The following FSD1L variants were observed in gnomAD, a reference collection of about 807,000 sequenced individuals.
The protein encoded by FSD1L is FSD1-like protein.
Under a neutral mutation model 71.6 loss-of-function variants are expected in FSD1L, and 45 were observed. The observed-to-expected ratio is 0.63, with a 90% CI of 0.49 to 0.81. The LOEUF (loss-of-function observed/expected upper bound fraction) is 0.81, where lower values mean the gene tolerates loss of function less well. Ranked by LOEUF, FSD1L falls within the 30% of genes least tolerant of loss-of-function variation. FSD1L has a pLI of 0.00. For synonymous variants in FSD1L, 197 were observed against 207.2 expected (o/e 0.95, Z 0.42); for missense variants, 561 against 618.1 (o/e 0.91, Z 0.98).
intron 10 of FSD1L, chr9:105,520,809 A>G: frequency 6.2e-7 from 1 of 1,612,356 alleles, no homozygotes; most frequent in Non-Finnish European, 8.5e-7. Flanking sequence ...AACTCAAGTC[A>G]CTATAGAAGA....
intron 1 of FSD1L, 94 bp downstream of exon 1, chr9:105,448,329 G>A: frequency 2.5e-6 from 3 of 1,205,622 alleles, no homozygotes; most frequent in Non-Finnish European, 3.3e-6. Flanking sequence ...GGGTGCGCGG[G>A]GTGGGCCTGG....
At chr9:105,502,038 G>A (rs923685700) in intron 7 of FSD1L, among the ~76,000 whole-genome samples, 7 of 151,506 alleles carry the variant, frequency 4.6e-5, no homozygotes, top group Admixed American at 1.3e-4. Flanking sequence ...ACTGCTCTTC[G>A]ATTTTATATA....
chr9:105,461,780 G>A (rs1830714693), intron 2 of FSD1L, among the ~76,000 whole-genome samples, 165 bp downstream of exon 2: 1 of 152,168 alleles, frequency 6.6e-6, no homozygotes, highest in Admixed American at 6.5e-5. Context: ...TTGGGAAGCT[G>A]AGGTGGGAGG....
chr9:105,489,666 C>T (rs1022663088), intron 7 of FSD1L, among the ~76,000 whole-genome samples: 1 of 152,178 alleles, frequency 6.6e-6, no homozygotes, highest in Non-Finnish European at 1.5e-5. Flanking sequence ...TCCCCTCACC[C>T]CACAACAGTC....
chr9:105,467,166 T>C, intron 3 of FSD1L, among the ~76,000 whole-genome samples: 1 of 152,214 alleles, frequency 6.6e-6, no homozygotes, highest in East Asian at 1.9e-4. Flanking sequence ...CTATAGTTGT[T>C]CTTACTACTG....
intron 6 of FSD1L, among the ~76,000 whole-genome samples, chr9:105,480,288 GTTTCTC>G (rs1347820017): frequency 6.8e-6 from 1 of 147,958 alleles, no homozygotes; most frequent in Non-Finnish European, 1.5e-5. Flanking sequence ...TTACTTCTGG[GTTTCTC>G]TTTTTTTTTT....
chr9:105,492,876 A>G (rs1435077192), intron 7 of FSD1L, among the ~76,000 whole-genome samples: 1 of 152,100 alleles, frequency 6.6e-6, no homozygotes, highest in Non-Finnish European at 1.5e-5. Flanking sequence ...AGTTTGTTAT[A>G]ATTTCTGATA....
intron 7 of FSD1L, among the ~76,000 whole-genome samples, chr9:105,492,804 A>G (rs375136423): frequency 6.6e-6 from 1 of 151,938 alleles, no homozygotes. Context: ...ATGTAGTTGA[A>G]TGGTTTTGAG....
chr9:105,525,299 T>C (rs1003689194), intron 10 of FSD1L: 5 of 1,608,728 alleles, frequency 3.1e-6, no homozygotes, highest in Non-Finnish European at 4.2e-6. Flanking sequence ...CTTGATGAAC[T>C]CTTGCAGTAT....
At position 105,521,013 on chromosome 9, in the gene FSD1L, C is replaced by A. The variant is rs1272070477; in HGVS notation, c.1025+8077C>A. 2.5e-6 allele frequency: 4 copies of A among 1,611,872 alleles called. No individual in the cohort carries two copies. In the African/African-American group the frequency reaches 5.3e-5, roughly 22 times the overall value. On this transcript the variant is annotated intron_variant, in intron 10 of 13. Coordinates refer to ENST00000481272, the MANE Select transcript of FSD1L (RefSeq NM_001145313.3). ...GAAATATTACTTGCCTTATATTTTT[C>A]CAAACATCTGTAAGGAAAACAGTTT...
At chr9:105,487,564 T>G (rs1188520012) in intron 7 of FSD1L, among the ~76,000 whole-genome samples, 1 of 152,166 alleles carries the variant, frequency 6.6e-6, no homozygotes, top group Non-Finnish European at 1.5e-5. Context: ...TTATGAATTT[T>G]GTCAAATTTT....
At chr9:105,482,677 T>G (rs369996180) in intron 6 of FSD1L, among the ~76,000 whole-genome samples, 1 of 152,190 alleles carries the variant, frequency 6.6e-6, no homozygotes, top group African/African-American at 2.4e-5. Context: ...CCCATCTAAA[T>G]TGATTCATGG....
At chr9:105,481,890 TG>T (rs1387190198) in intron 6 of FSD1L, among the ~76,000 whole-genome samples, 1 of 151,984 alleles carries the variant, frequency 6.6e-6, no homozygotes, top group Non-Finnish European at 1.5e-5. Context: ...CTTCCACCTC[TG>T]CCGCCTGAGC....
At chr9:105,529,028 T>C (rs1305994267) in intron 10 of FSD1L, among the ~76,000 whole-genome samples, 1 of 152,196 alleles carries the variant, frequency 6.6e-6, no homozygotes, top group Admixed American at 6.5e-5. Context: ...ATGCTCATCA[T>C]CACTGGTCAT....
At chr9:105,525,109 A>G (rs549874835) in intron 10 of FSD1L, 269 of 1,551,022 alleles carry the variant, frequency 1.7e-4, no homozygotes, top group Non-Finnish European at 2.2e-4. Context: ...CACCTCCTGT[A>G]AGTGGCTTGT....
At chr9:105,483,372 T>C (rs1832334885) in intron 6 of FSD1L, among the ~76,000 whole-genome samples, 1 of 152,186 alleles carries the variant, frequency 6.6e-6, no homozygotes, top group African/African-American at 2.4e-5. Context: ...GCAGATCCAA[T>C]TGATTTGGCA....
chr9:105,506,439 G>A lies in FSD1L; in HGVS notation c.627G>A (p.Val209=). The A allele has an allele frequency of 6.4e-7, 1 of 1,551,496 alleles. No individual in the cohort carries two copies. Among genetic ancestry groups the A allele is most frequent in the Non-Finnish European group, 8.7e-7 (1 of 1,146,912 alleles). The stretch of plus-strand genomic sequence containing the variant: ...AGATAGATCCAGTAGAGTGTTTGGT[G>A]GCAGATAACTCTGTAACAGTGGCTT... ...APEIDPVECL[V]ADNSVTVAWR... is the part of the protein sequence containing the mutation. The change falls in exon 8 of 14, where the codon GTG becomes GTA. Residue 209 remains valine, a synonymous_variant. Coordinates refer to ENST00000481272, the MANE Select transcript of FSD1L (RefSeq NM_001145313.3).
chr9:105,456,270 T>A (rs1184948378), intron 1 of FSD1L, among the ~76,000 whole-genome samples: 1 of 152,252 alleles, frequency 6.6e-6, no homozygotes, highest in East Asian at 1.9e-4. Flanking sequence ...CTGTGTGACA[T>A]ATTAGCTTTG....
intron 10 of FSD1L, among the ~76,000 whole-genome samples, chr9:105,518,756 A>C (rs1834904907): frequency 6.6e-6 from 1 of 152,222 alleles, no homozygotes; most frequent in East Asian, 1.9e-4. Context: ...AAAGAACTAG[A>C]GAAGCAACAG....
Sources: gnomAD v4.1 joint callset for allele counts (sites outside exome capture counted in the v4.1 genomes callset) on GRCh38, gnomAD v4.1.1 for gene constraint, MANE v1.5 for transcripts, NCBI Gene and HGNC (gene_info 2026-07-23, HGNC 2026-07-21) for gene names.